NKAIN3: variants seen among roughly 807,000 people sequenced by gnomAD.
NKAIN3 encodes the protein sodium/potassium transporting ATPase interacting 3.
Under a neutral mutation model 30.2 loss-of-function variants are expected in NKAIN3, and 25 were observed. The observed-to-expected ratio is 0.83, with a 90% confidence interval of 0.60 to 1.16. The LOEUF is 1.16. Ranked by LOEUF, NKAIN3 falls within the 50% of genes most tolerant of loss-of-function variation. The pLI is 0.00. For missense variants in NKAIN3, 225 were observed against 254.1 expected (o/e 0.89, Z 0.78); for synonymous variants, 91 against 89.6 (o/e 1.02, Z -0.09).
chr8:62,608,148 C>T (rs1396367520), intron 3 of NKAIN3, among the ~76,000 whole-genome samples: 2 of 152,156 alleles, frequency 1.3e-5, no homozygotes, highest in Admixed American at 1.3e-4. Flanking sequence ...TCTATATTTG[C>T]CCACCTGGCT....
chr8:62,347,561 T>C (rs1241529000), intron 1 of NKAIN3, among the ~76,000 whole-genome samples: 2 of 151,970 alleles, frequency 1.3e-5, no homozygotes, highest in Non-Finnish European at 2.9e-5. Flanking sequence ...TTAGTAGGTT[T>C]TTAATAAATC....
At chr8:62,485,470 A>G (rs920306676) in intron 1 of NKAIN3, among the ~76,000 whole-genome samples, 10 of 152,192 alleles carry the variant, frequency 6.6e-5, no homozygotes, top group Non-Finnish European at 1.5e-4. Flanking sequence ...TGTGTGCCCG[A>G]CATGTTTGTG....
At position 62,539,679 on chromosome 8, in the gene NKAIN3, G is replaced by A. The variant is rs992712137; in HGVS notation, c.55-39860G>A. On this transcript the variant is annotated intron_variant, in intron 1 of 6. Transcript: ENST00000623646. ...ATCATGGCTCACCACATCCTCGATC[G>A]CGTGAGCTCAAGCAATCCTCCCACC... Among the ~76,000 whole-genome samples, 14 of 152,110 alleles carry A rather than the reference G, an allele frequency of 9.2e-5. No individual in the cohort carries two copies. The East Asian group carries it at 9.7e-4, about 11-fold the overall frequency.
Position 62,484,141 on chromosome 8 carries a change from C to A in NKAIN3, c.55-95398C>A, listed in dbSNP as rs551866274. On this transcript the variant is annotated intron_variant, in intron 1 of 6. Transcript: ENST00000623646. ...GTAAAGCCAGCCCTTCCCACAGTGG[C>A]ATTCATGGCCCTCTCTGATGGGTTC... is the stretch of plus-strand genomic sequence containing the variant. 2.6e-5 allele frequency among the ~76,000 whole-genome samples: 4 copies of A among 152,316 alleles called. No homozygotes were observed. In the East Asian group the frequency reaches 7.7e-4, roughly 29 times the overall value.
intron 4 of NKAIN3, among the ~76,000 whole-genome samples, chr8:62,851,342 T>C (rs1435906527): frequency 6.6e-6 from 1 of 151,962 alleles, no homozygotes; most frequent in Non-Finnish European, 1.5e-5. Flanking sequence ...CCTATCAGCT[T>C]AAGGAGATTT....
At chr8:62,807,157 G>T (rs1446875666) in intron 4 of NKAIN3, among the ~76,000 whole-genome samples, 2 of 152,118 alleles carry the variant, frequency 1.3e-5, no homozygotes, top group Non-Finnish European at 2.9e-5. Flanking sequence ...ATGGATATTT[G>T]TTATAATGTA....
intron 4 of NKAIN3, among the ~76,000 whole-genome samples, chr8:62,776,990 A>C (rs1453940967): frequency 1.3e-5 from 2 of 152,162 alleles, no homozygotes; most frequent in Admixed American, 1.3e-4. Flanking sequence ...CTATGGTGAA[A>C]GCTTTTTCCT....
chr8:62,597,610 C>G (rs1810872484), intron 3 of NKAIN3, among the ~76,000 whole-genome samples: 1 of 151,910 alleles, frequency 6.6e-6, no homozygotes, highest in East Asian at 2.0e-4. Context: ...AATAACTGAC[C>G]AATGGCAAAA....
rs2130913877 is a variant in NKAIN3, at chr8:62,971,013, T to C, written c.*5606T>C. 6.6e-6 allele frequency among the ~76,000 whole-genome samples: 1 copy of C among 152,242 alleles called. No homozygotes were observed. Among genetic ancestry groups the C allele is most frequent in the South Asian group, 2.1e-4 (1 of 4,820 alleles). The stretch of plus-strand genomic sequence containing the variant: ...TATTTCTCTTTTTATTTCGAAATTC[T>C]GGAGACAGTCAGCAAAGAGCCGGAT... On this transcript the variant is annotated 3_prime_UTR_variant, in exon 7 of 7. Coordinates refer to ENST00000623646, the MANE Select transcript of NKAIN3 (RefSeq NM_001304533.3).
At chr8:62,431,226 G>T (rs1804986722) in intron 1 of NKAIN3, among the ~76,000 whole-genome samples, 1 of 151,778 alleles carries the variant, frequency 6.6e-6, no homozygotes, top group Admixed American at 6.6e-5. Flanking sequence ...TAGTCAGGCT[G>T]CATTCTTTTA....
At chr8:62,818,140 C>T (rs1300200419) in intron 4 of NKAIN3, among the ~76,000 whole-genome samples, 3 of 152,068 alleles carry the variant, frequency 2.0e-5, no homozygotes, top group Non-Finnish European at 4.4e-5. Context: ...AATGTAAAAG[C>T]TGGAGAAAAC....
intron 1 of NKAIN3, among the ~76,000 whole-genome samples, chr8:62,317,617 T>C (rs1042307333): frequency 1.3e-5 from 2 of 152,202 alleles, no homozygotes; most frequent in Non-Finnish European, 2.9e-5. Flanking sequence ...AGGGCTCTGT[T>C]CTGTTCCATT....
At chr8:62,766,505 T>C (rs925768594) in intron 4 of NKAIN3, among the ~76,000 whole-genome samples, 1 of 152,178 alleles carries the variant, frequency 6.6e-6, no homozygotes, top group South Asian at 2.1e-4. Context: ...TCCAATTTTC[T>C]TTGAAATTTA....
intron 3 of NKAIN3, among the ~76,000 whole-genome samples, chr8:62,633,024 T>C (rs1374084012): frequency 2.6e-5 from 4 of 151,992 alleles, no homozygotes; most frequent in African/African-American, 9.7e-5. Flanking sequence ...AATGGTTCCT[T>C]GTTTTGGGTG....
intron 1 of NKAIN3, among the ~76,000 whole-genome samples, chr8:62,394,163 C>T (rs1817658017): frequency 6.6e-6 from 1 of 152,086 alleles, no homozygotes; most frequent in Non-Finnish European, 1.5e-5. Context: ...TTCTGTTTTT[C>T]ATCATTAAAT....
chr8:62,679,867 C>T (rs75053777), intron 3 of NKAIN3, among the ~76,000 whole-genome samples: 1 of 152,032 alleles, frequency 6.6e-6, no homozygotes, highest in Non-Finnish European at 1.5e-5. Context: ...GGTGGGGACA[C>T]AGATTCAAGC....
chr8:62,460,106 C>G (rs1225102821), intron 1 of NKAIN3, among the ~76,000 whole-genome samples: 1 of 152,078 alleles, frequency 6.6e-6, no homozygotes, highest in Non-Finnish European at 1.5e-5. Flanking sequence ...ATTCTCTCCT[C>G]CATCAAAGCA....
At chr8:62,483,775 C>A in intron 1 of NKAIN3, 1 of 278,142 alleles carries the variant, frequency 3.6e-6, no homozygotes, top group South Asian at 4.3e-5. Flanking sequence ...GCAGCTTCTT[C>A]AAGCTCCTCT....
At chr8:62,870,951 C>T (rs1820623562) in intron 4 of NKAIN3, among the ~76,000 whole-genome samples, 1 of 151,770 alleles carries the variant, frequency 6.6e-6, no homozygotes, top group Non-Finnish European at 1.5e-5. Context: ...TCTTCTTTAG[C>T]ACAACAAAGA....
Sources: gnomAD v4.1 joint callset for allele counts (sites outside exome capture counted in the v4.1 genomes callset) on GRCh38, gnomAD v4.1.1 for gene constraint, MANE v1.5 for transcripts, NCBI Gene and HGNC (gene_info 2026-07-23, HGNC 2026-07-21) for gene names.